Variants in EPHA5 observed in about 807,000 individuals in gnomAD.
EPHA5 encodes the protein EPH receptor A5.
Under a neutral mutation model 105.0 loss-of-function variants are expected in EPHA5, and 60 were observed. That is an observed-to-expected ratio of 0.57 (90% confidence interval 0.46 to 0.71). The LOEUF (loss-of-function observed/expected upper bound fraction) is 0.71. EPHA5 is among the 30% of genes least tolerant of loss of function. EPHA5 has a pLI of 0.00. For missense variants in EPHA5, 1,218 were observed against 1,274.7 expected (o/e 0.96, Z 0.68); for synonymous variants, 513 against 449.1 (o/e 1.14, Z -1.80).
At chr4:65,603,475 A>T (rs571627635) in intron 2 of EPHA5, among the ~76,000 whole-genome samples, 1 of 132,978 alleles carries the variant, frequency 7.5e-6, no homozygotes, top group Non-Finnish European at 1.7e-5. Flanking sequence ...AGTATTGTAG[A>T]TAAAAAAAAC....
At chr4:65,491,449 G>T (rs544742062) in intron 4 of EPHA5, among the ~76,000 whole-genome samples, 8 of 151,852 alleles carry the variant, frequency 5.3e-5, no homozygotes, top group Non-Finnish European at 1.0e-4. Flanking sequence ...GAATAAAAGC[G>T]TTCAGATTTT....
intron 3 of EPHA5, among the ~76,000 whole-genome samples, chr4:65,596,050 A>G (rs867445448): frequency 4.6e-5 from 7 of 152,352 alleles, no homozygotes; most frequent in Admixed American, 3.9e-4. Flanking sequence ...TCTTACAAGC[A>G]GCGTATTTCC....
intron 5 of EPHA5, among the ~76,000 whole-genome samples, chr4:65,441,507 T>C (rs1420554207): frequency 6.6e-6 from 1 of 151,950 alleles, no homozygotes; most frequent in Non-Finnish European, 1.5e-5. Flanking sequence ...TGGTATTACT[T>C]ATGATAGGAA....
intron 5 of EPHA5, among the ~76,000 whole-genome samples, chr4:65,472,168 G>A (rs563615551): frequency 6.6e-6 from 1 of 152,264 alleles, no homozygotes; most frequent in South Asian, 2.1e-4. Flanking sequence ...AGGCATGTCT[G>A]AAATCCAGCA....
At chr4:65,368,851 G>C (rs1376417) in intron 8 of EPHA5, among the ~76,000 whole-genome samples, 103,542 of 152,026 alleles carry the variant, frequency 0.68, 35,558 homozygotes, top group East Asian at 0.82. Context: ...TGCTTCCATA[G>C]GTTTGCACAT....
At chr4:65,474,629 C>G (rs1015660345) in intron 5 of EPHA5, among the ~76,000 whole-genome samples, 3 of 152,096 alleles carry the variant, frequency 2.0e-5, no homozygotes, top group Non-Finnish European at 4.4e-5. Context: ...TTCACATCTT[C>G]AAAAAACCTC....
intron 1 of EPHA5, among the ~76,000 whole-genome samples, chr4:65,655,145 C>T (rs56752343): frequency 1.3e-5 from 2 of 151,834 alleles, no homozygotes; most frequent in Admixed American, 1.3e-4. Context: ...CCTTAGAACA[C>T]TTTCATATTC....
chr4:65,637,043 C>T (rs1747186422), intron 2 of EPHA5, among the ~76,000 whole-genome samples: 2 of 151,960 alleles, frequency 1.3e-5, no homozygotes, highest in Admixed American at 6.6e-5. Context: ...GTTAAAGTTA[C>T]TATCATGAGG....
At chr4:65,524,206 A>G (rs73223877) in intron 3 of EPHA5, among the ~76,000 whole-genome samples, 10,627 of 151,804 alleles carry the variant, frequency 0.07, 1,280 homozygotes, top group African/African-American at 0.24. Flanking sequence ...TATGGGTACA[A>G]TTTTTTAAAA....
chr4:65,641,185 G>T (rs1747630182), intron 2 of EPHA5, among the ~76,000 whole-genome samples: 1 of 152,102 alleles, frequency 6.6e-6, no homozygotes. Context: ...GAGGCTACTG[G>T]TTTTCACCAT....
chr4:65,589,944 G>C (rs1742475827), intron 3 of EPHA5, among the ~76,000 whole-genome samples: 2 of 152,072 alleles, frequency 1.3e-5, no homozygotes, highest in East Asian at 1.9e-4. Context: ...TTTTATTTTA[G>C]ATATGTCCTA....
intron 3 of EPHA5, among the ~76,000 whole-genome samples, chr4:65,598,417 C>T (rs1369503739): frequency 6.6e-6 from 1 of 152,136 alleles, no homozygotes; most frequent in Non-Finnish European, 1.5e-5. Flanking sequence ...TATTCTTTTA[C>T]ACCTTTGCAG....
intron 1 of EPHA5, among the ~76,000 whole-genome samples, chr4:65,645,179 G>A (rs947878062): frequency 6.6e-6 from 1 of 151,914 alleles, no homozygotes; most frequent in African/African-American, 2.4e-5. Context: ...GATTTCCATG[G>A]GAATAAGGCT....
intron 13 of EPHA5, among the ~76,000 whole-genome samples, chr4:65,351,031 CTATATA>C (rs34164927): frequency 2.0e-5 from 3 of 150,060 alleles, no homozygotes; most frequent in African/African-American, 4.9e-5. Context: ...CACATACATA[CTATATA>C]TATATATATA....
chr4:65,527,139 A>C (rs2149292963), intron 3 of EPHA5, among the ~76,000 whole-genome samples: 1 of 152,206 alleles, frequency 6.6e-6, no homozygotes, highest in East Asian at 1.9e-4. Flanking sequence ...TATCTGCCTA[A>C]ATTTTACCTT....
At chr4:65,364,968 C>T (rs1441258517) in intron 11 of EPHA5, 49 bp downstream of exon 11, 5 of 1,456,942 alleles carry the variant, frequency 3.4e-6, no homozygotes, top group Non-Finnish European at 3.8e-6. Flanking sequence ...ATAATCTAGA[C>T]AGATATTGAG....
At chr4:65,377,684 TATACAGA>T (rs1369390099) in intron 8 of EPHA5, among the ~76,000 whole-genome samples, 1 of 151,986 alleles carries the variant, frequency 6.6e-6, no homozygotes, top group Admixed American at 6.6e-5. Context: ...AAAAGCAAAC[TATACAGA>T]ATACATGCAT....
chr4:65,399,341 C>A (rs1330705720), intron 8 of EPHA5, among the ~76,000 whole-genome samples: 1 of 152,182 alleles, frequency 6.6e-6, no homozygotes, highest in Non-Finnish European at 1.5e-5. Context: ...CTCACTCATG[C>A]ACCCCTCACT....
rs1329680901 is a variant in EPHA5 at position 65,321,043 on chromosome 4, T to C, written c.*3071A>G. On this transcript the variant is annotated 3_prime_UTR_variant, in exon 17 of 17. Coordinates refer to ENST00000613740, the MANE Select transcript of EPHA5 (RefSeq NM_001281766.3). ...AGAGCAACTGGTTATATTAATAGTA[T>C]ATATGAGCAAATGACAAGATTAGAA... The C allele has an allele frequency of 2.2e-5, 5 of 230,294 alleles. No homozygotes were observed. The highest frequency in any genetic ancestry group is 1.1e-4 in the African/African-American group (5 of 45,132). 14.3% of individuals were successfully genotyped at this position (230,294 alleles called of 1,614,324 possible). A position where few individuals can be genotyped will look rare whatever the true frequency, so the allele number is the denominator to read the frequency against.
Sources: gnomAD v4.1 joint callset for allele counts (sites outside exome capture counted in the v4.1 genomes callset) on GRCh38, gnomAD v4.1.1 for gene constraint, MANE v1.5 for transcripts, NCBI Gene and HGNC (gene_info 2026-07-23, HGNC 2026-07-21) for gene names.